The following LIPA variants were observed in gnomAD, a reference collection of about 807,000 sequenced individuals.
LIPA encodes the protein lysosomal acid lipase/cholesteryl ester hydrolase.
A neutral mutation model predicts 40.6 loss-of-function variants in LIPA; 26 were observed. That is an observed-to-expected ratio of 0.64 (90% CI 0.47 to 0.89). The LOEUF is 0.89. Ranked by LOEUF, LIPA falls within the 40% of genes least tolerant of loss-of-function variation. The pLI is 0.00. For missense variants in LIPA, 455 were observed against 479.6 expected (o/e 0.95, Z 0.48); for synonymous variants, 188 against 168.4 (o/e 1.12, Z -0.90).
intron 2 of LIPA, among the ~76,000 whole-genome samples, chr10:89,354,320 G>A (rs760486305): frequency 1.3e-5 from 2 of 152,176 alleles, no homozygotes; most frequent in African/African-American, 4.8e-5. Flanking sequence ...TGTACTGATT[G>A]ATGTCTCCTG....
intron 2 of LIPA, among the ~76,000 whole-genome samples, chr10:89,388,199 G>A (rs944566895): frequency 3.3e-5 from 5 of 152,058 alleles, no homozygotes; most frequent in Admixed American, 6.5e-5. Context: ...TCCGCCTCCT[G>A]GGTTCAAGTG....
In LIPA at chr10:89,403,492, TA is replaced by T. The variant is rs750102354; in HGVS notation, c.61+9298del. Reference sequence around the variant, plus strand: ...GCAATTATCCATTATTTAAAAGCTATAAAAATAGAACAGGCATCATTAACAA... The same window carrying T: ...GCAATTATCCATTATTTAAAAGCTATAAAATAGAACAGGCATCATTAACAA... On this transcript the variant is annotated intron_variant, in intron 2 of 8. Coordinates refer to the LIPA transcript ENST00000371837. 2.5e-6 allele frequency: 4 copies of T among 1,612,042 alleles called. No homozygotes were observed. The East Asian group carries it at 8.9e-5, about 36-fold the overall frequency.
At chr10:89,244,296 C>T (rs1385611393) in intron 3 of LIPA, among the ~76,000 whole-genome samples, 1 of 152,084 alleles carries the variant, frequency 6.6e-6, no homozygotes, top group Non-Finnish European at 1.5e-5. Flanking sequence ...AATAATAATA[C>T]AATGCTCACA....
At chr10:89,225,336 A>C in intron 5 of LIPA, 108 bp from the exon 6 acceptor site, 1 of 1,347,050 alleles carries the variant, frequency 7.4e-7, no homozygotes, top group Non-Finnish European at 1.1e-6. Context: ...CCTGAGACCC[A>C]CGCAAACAAT....
intron 3 of LIPA, among the ~76,000 whole-genome samples, chr10:89,245,078 G>A (rs1423764073): frequency 1.3e-5 from 2 of 152,294 alleles, no homozygotes; most frequent in African/African-American, 2.4e-5. Context: ...TCTGGAAGAT[G>A]TGCTTTATGT....
At chr10:89,386,668 T>C (rs1288109153) in intron 2 of LIPA, among the ~76,000 whole-genome samples, 3 of 152,214 alleles carry the variant, frequency 2.0e-5, no homozygotes, top group African/African-American at 7.2e-5. Context: ...TTTGGCTCAG[T>C]TCTGTAATTG....
At chr10:89,310,327 A>G (rs1003846426) in intron 1 of LIPA, among the ~76,000 whole-genome samples, 5 of 152,072 alleles carry the variant, frequency 3.3e-5, no homozygotes, top group Non-Finnish European at 4.4e-5. Context: ...TTCATACCCT[A>G]TGTCAATTGA....
intron 2 of LIPA, chr10:89,378,210 C>A (rs572395877): frequency 5.8e-6 from 9 of 1,551,332 alleles, no homozygotes; most frequent in Non-Finnish European, 8.0e-6. Context: ...TCCTTAAGGG[C>A]CAATTTTTTG....
intron 2 of LIPA, among the ~76,000 whole-genome samples, chr10:89,386,997 GT>G (rs1753077868): frequency 6.6e-6 from 1 of 151,606 alleles, no homozygotes; most frequent in South Asian, 2.1e-4. Context: ...GTGTGTGTGT[GT>G]TTGGATAAGC....
intron 2 of LIPA, among the ~76,000 whole-genome samples, chr10:89,355,860 C>T (rs531427896): frequency 4.6e-5 from 7 of 152,308 alleles, no homozygotes; most frequent in Admixed American, 2.6e-4. Flanking sequence ...TGGCAACATT[C>T]AGAAGTTAAC....
At chr10:89,250,906 A>C (rs1417802588) in intron 1 of LIPA, among the ~76,000 whole-genome samples, 1 of 152,186 alleles carries the variant, frequency 6.6e-6, no homozygotes, top group African/African-American at 2.4e-5. Context: ...GGCTGTATTA[A>C]CACCTTTATC....
At chr10:89,219,175 A>G (rs1842665354) in intron 8 of LIPA, among the ~76,000 whole-genome samples, 1 of 152,172 alleles carries the variant, frequency 6.6e-6, no homozygotes, top group Non-Finnish European at 1.5e-5. Flanking sequence ...CTTTAAAGAA[A>G]AAAAAAAGAG....
At chr10:89,357,740 G>A (rs924750433) in intron 2 of LIPA, among the ~76,000 whole-genome samples, 8 of 152,240 alleles carry the variant, frequency 5.3e-5, no homozygotes, top group African/African-American at 1.9e-4. Flanking sequence ...CTCAAAGGTA[G>A]GTAGTAAAAT....
At position 89,223,743 on chromosome 10, in the gene LIPA, C is replaced by G; in HGVS notation, c.763G>C (p.Glu255Gln). 6.2e-7 allele frequency: 1 copy of G among 1,613,702 alleles called. No homozygotes were observed. The highest frequency in any genetic ancestry group is 8.5e-7 in the Non-Finnish European group (1 of 1,179,612). ...AGAAAACAGAGATTTCCACAGAGCT[C>G]CTTCAGTATGACATGAGTGCAAACG... Reference protein sequence around the residue: ...THVCTHVILKELCGNLCFLLC... With the variant: ...THVCTHVILKQLCGNLCFLLC... The change falls in exon 7 of 10, where the codon GAG becomes CAG. Residue 255 changes from glutamate to glutamine, a missense_variant. Glu to Gln is a conservative substitution (Grantham distance 29). Coordinates refer to ENST00000336233, the MANE Select transcript of LIPA (RefSeq NM_000235.4).
At chr10:89,341,783 T>C (rs940126080) in intron 1 of LIPA, among the ~76,000 whole-genome samples, 1 of 152,200 alleles carries the variant, frequency 6.6e-6, no homozygotes, top group Non-Finnish European at 1.5e-5. Context: ...AGACATAGTA[T>C]ATGCACCTTG....
At chr10:89,237,001 C>A (rs147865695) in intron 3 of LIPA, among the ~76,000 whole-genome samples, 3 of 152,146 alleles carry the variant, frequency 2.0e-5, no homozygotes. Flanking sequence ...AGACCAGGCA[C>A]GGTGGCTTAT....
intron 1 of LIPA, chr10:89,306,028 G>A: frequency 6.2e-7 from 1 of 1,614,096 alleles, no homozygotes; most frequent in Non-Finnish European, 8.5e-7. Context: ...CCTGGAACTT[G>A]ATGGAGGGAG....
intron 1 of LIPA, among the ~76,000 whole-genome samples, chr10:89,301,732 A>C (rs1843446145): frequency 6.6e-6 from 1 of 152,216 alleles, no homozygotes; most frequent in South Asian, 2.1e-4. Context: ...ATTGTATTAC[A>C]AGTCCCCAAC....
chr10:89,335,770 C>G (rs1322726439), intron 1 of LIPA, among the ~76,000 whole-genome samples: 1 of 152,132 alleles, frequency 6.6e-6, no homozygotes, highest in African/African-American at 2.4e-5. Flanking sequence ...ACACTTTCTC[C>G]TTTTAACCTT....
Sources: allele counts gnomAD v4.1 joint callset (sites outside exome capture counted in the v4.1 genomes callset), GRCh38; gene constraint gnomAD v4.1.1; transcripts MANE v1.5; gene names NCBI Gene and HGNC (gene_info 2026-07-23, HGNC 2026-07-21).